The following PCCB variants were observed in gnomAD, a reference collection of about 807,000 sequenced individuals.
PCCB encodes the protein propionyl-CoA carboxylase beta chain, mitochondrial.
PCCB carries 43 observed loss-of-function variants against 60.7 expected under a neutral mutation model. The ratio of observed to expected loss-of-function variants is 0.71; its 90% CI spans 0.55 to 0.91. The LOEUF (loss-of-function observed/expected upper bound fraction) is 0.91, where lower values mean the gene tolerates loss of function less well. PCCB is among the 40% of genes least tolerant of loss of function. The pLI is 0.00. For missense variants in PCCB, 766 were observed against 702.8 expected, an observed-to-expected ratio of 1.09 and a Z score of -1.02; for synonymous variants, 276 against 255.9, an observed-to-expected ratio of 1.08 and a Z score of -0.75.
intron 6 of PCCB, among the ~76,000 whole-genome samples, chr3:136,285,169 T>A (rs536658581): frequency 6.6e-6 from 1 of 151,618 alleles, no homozygotes; most frequent in Admixed American, 6.6e-5. Context: ...CTTTGCTTAC[T>A]AAGTCTATAT....
At chr3:136,327,522 C>A in intron 12 of PCCB, 112 bp from the exon 13 acceptor site, 1 of 844,114 alleles carries the variant, frequency 1.2e-6, no homozygotes, top group East Asian at 2.5e-5. Flanking sequence ...TTCAGGAGCC[C>A]AGTAGGGCTA....
intron 5 of PCCB, among the ~76,000 whole-genome samples, chr3:136,269,565 G>A (rs893325257): frequency 2.6e-5 from 4 of 152,024 alleles, no homozygotes; most frequent in African/African-American, 7.2e-5. Context: ...AGAACCTGTA[G>A]TACAGTGTTA....
At chr3:136,285,301 C>T (rs1024929250) in intron 6 of PCCB, among the ~76,000 whole-genome samples, 1 of 152,102 alleles carries the variant, frequency 6.6e-6, no homozygotes, top group Non-Finnish European at 1.5e-5. Context: ...ATCCACATTG[C>T]TGAATATAAC....
At chr3:136,276,517 T>C (rs1257387571) in intron 5 of PCCB, among the ~76,000 whole-genome samples, 1 of 152,160 alleles carries the variant, frequency 6.6e-6, no homozygotes, top group Non-Finnish European at 1.5e-5. Flanking sequence ...AGGACTGTTG[T>C]TGTTCCACAC....
At chr3:136,293,996 T>C in intron 7 of PCCB, 132 bp downstream of exon 7, 1 of 683,692 alleles carries the variant, frequency 1.5e-6, no homozygotes. Context: ...TGGTACAGTC[T>C]ATTGTACTAC....
intron 1 of PCCB, among the ~76,000 whole-genome samples, chr3:136,255,036 C>T (rs1941631899): frequency 6.6e-6 from 1 of 152,046 alleles, no homozygotes; most frequent in Non-Finnish European, 1.5e-5. Context: ...GCCACCACAC[C>T]CGGCTTATTT....
chr3:136,278,906 T>C (rs1007848300), intron 5 of PCCB, among the ~76,000 whole-genome samples: 8 of 152,206 alleles, frequency 5.3e-5, no homozygotes, highest in Non-Finnish European at 5.9e-5. Context: ...GCAACTATTA[T>C]TGTGCACCTA....
Position 136,251,331 on chromosome 3 carries a change from C to T in PCCB, c.183+773C>T, listed in dbSNP as rs569833242. On this transcript the variant is annotated intron_variant, in intron 1 of 14. Coordinates refer to ENST00000251654, the MANE Select transcript of PCCB (RefSeq NM_000532.5). ...TGAAACCAGGCTTGCCCAGTGTGTC[C>T]GTGACTGGTGGGTGAGTCTGGACCG... 21 of 456,606 alleles carry T rather than the reference C, an allele frequency of 4.6e-5. No homozygotes were observed. In the East Asian group the frequency reaches 5.6e-4, roughly 12 times the overall value. 28.3% of individuals were successfully genotyped at this position (456,606 alleles called of 1,614,324 possible). A position where few individuals can be genotyped will look rare whatever the true frequency, so the allele number is the denominator to read the frequency against.
chr3:136,287,272 C>T (rs375919110), intron 6 of PCCB, among the ~76,000 whole-genome samples: 5 of 152,038 alleles, frequency 3.3e-5, no homozygotes, highest in Non-Finnish European at 5.9e-5. Context: ...TTGACCTTTA[C>T]GTTAAGTGAA....
chr3:136,302,416 T>C (rs1934323738), intron 9 of PCCB, among the ~76,000 whole-genome samples: 1 of 121,638 alleles, frequency 8.2e-6, no homozygotes, highest in Non-Finnish European at 1.8e-5. Flanking sequence ...CTTCCTACTC[T>C]GCCATCTTCT....
chr3:136,283,789 C>G (rs746129573), intron 5 of PCCB, 48 bp from the exon 6 acceptor site: 15 of 1,252,554 alleles, frequency 1.2e-5, no homozygotes, highest in Non-Finnish European at 1.8e-5. Flanking sequence ...ACAGATAATG[C>G]CTCAAACATC....
intron 9 of PCCB, among the ~76,000 whole-genome samples, chr3:136,308,602 CT>C (rs1048471572): frequency 3.6e-4 from 55 of 152,160 alleles, no homozygotes; most frequent in African/African-American, 1.3e-3. Context: ...TTACACATTT[CT>C]TTTGGACTTT....
intron 1 of PCCB, among the ~76,000 whole-genome samples, chr3:136,251,767 C>T (rs1382875756): frequency 2.0e-5 from 3 of 152,102 alleles, no homozygotes; most frequent in Non-Finnish European, 1.5e-5. Flanking sequence ...ATCGCCTAGC[C>T]CTTTCCCAGG....
intron 5 of PCCB, among the ~76,000 whole-genome samples, chr3:136,263,432 A>AT (rs989134541): frequency 1.3e-4 from 19 of 150,080 alleles, no homozygotes; most frequent in Non-Finnish European, 2.7e-4. Context: ...CATCCGGTGA[A>AT]TTTTTTTTTG....
At chr3:136,316,672 A>G (rs763726960) in intron 9 of PCCB, among the ~76,000 whole-genome samples, 1 of 152,200 alleles carries the variant, frequency 6.6e-6, no homozygotes, top group Non-Finnish European at 1.5e-5. Flanking sequence ...AGTTGTCACA[A>G]AAATTCCACA....
chr3:136,273,386 CAA>C (rs1473009942), intron 5 of PCCB, among the ~76,000 whole-genome samples: 1 of 151,912 alleles, frequency 6.6e-6, no homozygotes, highest in Non-Finnish European at 1.5e-5. Context: ...TCTGTCTCAA[CAA>C]AAAGAGTCTA....
At chr3:136,260,763 G>C (rs1215521368) in intron 4 of PCCB, among the ~76,000 whole-genome samples, 1 of 152,128 alleles carries the variant, frequency 6.6e-6, no homozygotes, top group Non-Finnish European at 1.5e-5. Context: ...AATAAAATTT[G>C]TAGGATTTTA....
chr3:136,301,680 G>A (rs1934288388), intron 9 of PCCB, among the ~76,000 whole-genome samples: 1 of 152,114 alleles, frequency 6.6e-6, no homozygotes, highest in South Asian at 2.1e-4. Flanking sequence ...TGTGCTCTCG[G>A]TAGTCCTTGT....
chr3:136,265,394 A>G (rs576880478), intron 5 of PCCB, among the ~76,000 whole-genome samples: 3 of 152,240 alleles, frequency 2.0e-5, no homozygotes, highest in Admixed American at 6.5e-5. Context: ...TCCTCACCCA[A>G]CTTTCTTATT....
Sources: allele counts gnomAD v4.1 joint callset (sites outside exome capture counted in the v4.1 genomes callset), GRCh38; gene constraint gnomAD v4.1.1; transcripts MANE v1.5; gene names NCBI Gene and HGNC (gene_info 2026-07-23, HGNC 2026-07-21).